SPOCK3: variants seen among roughly 807,000 people sequenced by gnomAD.
The protein encoded by SPOCK3 is testican-3.
A neutral mutation model predicts 56.6 loss-of-function variants in SPOCK3; 30 were observed. The ratio of observed to expected loss-of-function variants is 0.53; its 90% CI spans 0.40 to 0.72. The LOEUF is 0.72. SPOCK3 is among the 30% of genes least tolerant of loss of function. SPOCK3 has a pLI of 0.00. For missense variants in SPOCK3, 527 were observed against 530.0 expected, an observed-to-expected ratio of 0.99 and a Z score of 0.06; for synonymous variants, 196 against 183.3, an observed-to-expected ratio of 1.07 and a Z score of -0.56.
chr4:167,030,947 C>T (rs961528374), intron 3 of SPOCK3, among the ~76,000 whole-genome samples: 1 of 152,022 alleles, frequency 6.6e-6, no homozygotes, highest in Admixed American at 6.6e-5. Context: ...CTCCATTTCC[C>T]GTCTGTGAGA....
intron 2 of SPOCK3, among the ~76,000 whole-genome samples, chr4:167,173,612 A>G (rs72699693): frequency 0.053 from 8,025 of 152,200 alleles, 239 homozygotes; most frequent in Admixed American, 0.079. Flanking sequence ...TCCTCTCCCC[A>G]GTCATTTCTT....
intron 3 of SPOCK3, among the ~76,000 whole-genome samples, chr4:167,038,752 C>G (rs999479274): frequency 6.6e-6 from 1 of 150,638 alleles, no homozygotes; most frequent in African/African-American, 2.4e-5. Context: ...AATACATACA[C>G]TCTATATAAA....
rs144699070 is a variant in SPOCK3 at position 167,038,865 on chromosome 4, C to T, written c.235+23627G>A. ...CATCTAGGTTTATTCTACATCAGCT[C>T]TTGCATTTATGTGATGGAATATGTT... is the stretch of plus-strand genomic sequence containing the variant. On this transcript the variant is annotated intron_variant, in intron 3 of 10. Coordinates refer to ENST00000357545, the MANE Select transcript of SPOCK3 (RefSeq NM_001040159.2). Among the ~76,000 whole-genome samples the T allele has an allele frequency of 4.3e-3, 654 of 152,018 alleles. 5 individuals carry two copies. The highest frequency in any genetic ancestry group is 0.014 in the African/African-American group (587 of 41,476).
At chr4:167,112,764 C>A (rs915340369) in intron 2 of SPOCK3, among the ~76,000 whole-genome samples, 6 of 151,770 alleles carry the variant, frequency 4.0e-5, no homozygotes, top group African/African-American at 1.2e-4. Context: ...ATAGAAATAC[C>A]ATGGGGTGTC....
At chr4:166,794,262 A>C (rs1401137413) in intron 6 of SPOCK3, among the ~76,000 whole-genome samples, 11 of 149,338 alleles carry the variant, frequency 7.4e-5, no homozygotes, top group African/African-American at 2.5e-4. Flanking sequence ...GAATGCTTAC[A>C]CTGTAGCCTG....
chr4:166,833,951 A>C (rs1425283439), intron 6 of SPOCK3, among the ~76,000 whole-genome samples: 1 of 152,170 alleles, frequency 6.6e-6, no homozygotes, highest in Non-Finnish European at 1.5e-5. Context: ...CCTCATGTAG[A>C]GAGATTTTGC....
At chr4:167,079,542 G>T (rs1351677466) in intron 2 of SPOCK3, among the ~76,000 whole-genome samples, 1 of 151,718 alleles carries the variant, frequency 6.6e-6, no homozygotes, top group Non-Finnish European at 1.5e-5. Flanking sequence ...AATGTTCATG[G>T]AACATGGTGA....
intron 2 of SPOCK3, among the ~76,000 whole-genome samples, chr4:167,084,776 T>C (rs925249327): frequency 5.9e-5 from 1 of 16,814 alleles, no homozygotes; most frequent in South Asian, 3.4e-3. Context: ...TGATTATTAA[T>C]AACCATCAAG....
At chr4:166,932,853 T>A (rs1417844953) in intron 4 of SPOCK3, among the ~76,000 whole-genome samples, 1 of 152,138 alleles carries the variant, frequency 6.6e-6, no homozygotes, top group East Asian at 1.9e-4. Flanking sequence ...ACTAAATTGA[T>A]TTTAAGAACT....
At chr4:167,206,405 A>ATATG (rs57729739) in intron 2 of SPOCK3, among the ~76,000 whole-genome samples, 17,927 of 152,114 alleles carry the variant, frequency 0.12, 1,393 homozygotes, top group African/African-American at 0.22. Context: ...AAAATAACAT[A>ATATG]TATGTGTATA....
chr4:166,751,241 G>T (rs1312804430), intron 8 of SPOCK3, among the ~76,000 whole-genome samples: 1 of 152,032 alleles, frequency 6.6e-6, no homozygotes, highest in Non-Finnish European at 1.5e-5. Context: ...CTTTTAAAAA[G>T]AATGAATTAA....
At chr4:167,038,640 G>A (rs1426110415) in intron 3 of SPOCK3, among the ~76,000 whole-genome samples, 1 of 134,824 alleles carries the variant, frequency 7.4e-6, no homozygotes, top group African/African-American at 2.9e-5. Context: ...TAAGAGCGTG[G>A]TGCATGTTTT....
chr4:166,828,632 T>A (rs17701990), intron 6 of SPOCK3, among the ~76,000 whole-genome samples: 1 of 152,066 alleles, frequency 6.6e-6, no homozygotes, highest in East Asian at 1.9e-4. Context: ...AGCTTCCTCC[T>A]TGACATTGTG....
chr4:167,113,210 TACTG>T (rs924014741), intron 2 of SPOCK3, among the ~76,000 whole-genome samples: 50 of 152,262 alleles, frequency 3.3e-4, no homozygotes, highest in East Asian at 9.7e-4. Context: ...GCATTTTAAT[TACTG>T]ACTAATTTCT....
chr4:167,044,009 G>A lies in SPOCK3; in HGVS notation c.235+18483C>T, dbSNP rs140222473. On this transcript the variant is annotated intron_variant, in intron 3 of 10. Coordinates refer to ENST00000357545, the MANE Select transcript of SPOCK3 (RefSeq NM_001040159.2). ...ATTCTTCTATCTTCTAAAAAATTGC[G>A]GAGAATTGTTTTATTCTTCTTTAAA... 3.6e-3 allele frequency among the ~76,000 whole-genome samples: 554 copies of A among 151,890 alleles called. 5 individuals carry two copies. The highest frequency in any genetic ancestry group is 0.013 in the African/African-American group (531 of 41,470).
intron 7 of SPOCK3, among the ~76,000 whole-genome samples, chr4:166,768,979 C>T (rs1738532505): frequency 6.6e-6 from 1 of 152,200 alleles, no homozygotes; most frequent in Non-Finnish European, 1.5e-5. Context: ...TTGATCAAAT[C>T]AGCTACTGAA....
rs1734616974 is a variant in SPOCK3 at position 166,890,094 on chromosome 4, T to G, written c.475-850A>C. On this transcript the variant is annotated intron_variant, in intron 5 of 10. Coordinates refer to ENST00000357545, the MANE Select transcript of SPOCK3 (RefSeq NM_001040159.2). ...GATATTGTCACATATCTTACGTTTC[T>G]ACAAGCCCCAGAGTTTATTTCACTT... 2.0e-5 allele frequency among the ~76,000 whole-genome samples: 3 copies of G among 151,936 alleles called. No homozygotes were observed. The South Asian group carries it at 6.2e-4, about 31-fold the overall frequency.
intron 3 of SPOCK3, among the ~76,000 whole-genome samples, chr4:167,017,560 C>A (rs896542623): frequency 6.6e-5 from 10 of 152,112 alleles, no homozygotes; most frequent in African/African-American, 2.4e-4. Flanking sequence ...CCATGCCCAC[C>A]TTACACCCAG....
At chr4:167,222,996 A>T (rs1354155774) in intron 2 of SPOCK3, among the ~76,000 whole-genome samples, 1 of 126,224 alleles carries the variant, frequency 7.9e-6, no homozygotes, top group African/African-American at 3.1e-5. Context: ...TATTTTATAT[A>T]TGAATATATA....
Sources: allele counts gnomAD v4.1 joint callset (sites outside exome capture counted in the v4.1 genomes callset), GRCh38; gene constraint gnomAD v4.1.1; transcripts MANE v1.5; gene names NCBI Gene and HGNC (gene_info 2026-07-23, HGNC 2026-07-21).